Variants in CNTN4 observed in about 807,000 individuals in gnomAD.
CNTN4 encodes the protein contactin 4, also known as contactin-4.
CNTN4 carries 77 observed loss-of-function variants against 122.5 expected under a neutral mutation model. That is an observed-to-expected ratio of 0.63 (90% CI 0.52 to 0.76). CNTN4 has a LOEUF of 0.76. Among genes scored for constraint, CNTN4 ranks in the 30% least tolerant of loss-of-function variants. The probability of loss-of-function intolerance (pLI) is 0.00; values close to 1 mark genes in which losing one functional copy is unlikely to be tolerated. For missense variants in CNTN4, 1,256 were observed against 1,259.1 expected (o/e 1.00, Z 0.04); for synonymous variants, 512 against 447.0 (o/e 1.15, Z -1.83).
chr3:2,814,822 G>A (rs2150180987), intron 6 of CNTN4, among the ~76,000 whole-genome samples: 1 of 152,318 alleles, frequency 6.6e-6, no homozygotes, highest in Middle Eastern at 3.4e-3. Flanking sequence ...CTTCAGCTGT[G>A]TCACCTATAA....
At chr3:2,343,448 C>T (rs960816174) in intron 3 of CNTN4, among the ~76,000 whole-genome samples, 9 of 152,146 alleles carry the variant, frequency 5.9e-5, no homozygotes, top group African/African-American at 1.4e-4. Context: ...TTTGTAACTT[C>T]ACTTCAGTCT....
Position 2,925,679 on chromosome 3 carries a change from A to C in CNTN4, c.1258A>C (p.Lys420Gln). 6.2e-7 allele frequency: 1 copy of C among 1,614,104 alleles called. No individual in the cohort carries two copies. Among genetic ancestry groups the C allele is most frequent in the Non-Finnish European group, 8.5e-7 (1 of 1,179,954 alleles). The change falls in exon 13 of 25, where the codon AAA (lysine) becomes CAA (glutamine). Residue 420 changes from lysine to glutamine, a missense_variant. Lys to Gln is a moderately conservative substitution (Grantham distance 53). Coordinates refer to ENST00000418658, the MANE Select transcript of CNTN4 (RefSeq NM_175607.3). ...RTLLKRVTLV[K>Q]VGGEVVIECK... ...ACTCTTGAAAAGAGTAACTCTTGTC[A>C]AAGTGGGAGGTGAAGTTGTCATTGA...
At chr3:2,675,201 A>C (rs529054334) in intron 4 of CNTN4, among the ~76,000 whole-genome samples, 2 of 152,014 alleles carry the variant, frequency 1.3e-5, no homozygotes, top group African/African-American at 4.8e-5. Context: ...TCTTCCCTAC[A>C]TGATCTGGCC....
At position 2,900,741 on chromosome 3, in the gene CNTN4, G is replaced by A; in HGVS notation, c.997G>A (p.Val333Ile). 6.2e-7 allele frequency: 1 copy of A among 1,613,934 alleles called. No homozygotes were observed. Among genetic ancestry groups the A allele is most frequent in the Non-Finnish European group, 8.5e-7 (1 of 1,179,816 alleles). ...NDIHVAMEENVFWECKANGRP... is the reference protein window; with the variant it reads ...NDIHVAMEENIFWECKANGRP... ...TATTCACGTGGCCATGGAAGAAAAT[G>A]TCTTTTGGGAATGTAAAGCAAATGG... is the stretch of plus-strand genomic sequence containing the variant. The change falls in exon 11 of 25, where the codon GTC becomes ATC. Residue 333 changes from valine to isoleucine, a missense_variant. Physicochemically the swap from Val to Ile is conservative, Grantham distance 29. Coordinates refer to ENST00000418658, the MANE Select transcript of CNTN4 (RefSeq NM_175607.3).
chr3:2,239,212 A>G (rs899964180), intron 2 of CNTN4: 9 of 152,126 alleles, frequency 5.9e-5, no homozygotes, highest in Admixed American at 5.2e-4. Flanking sequence ...TGTGTTAATA[A>G]TGTGATTTGT....
At chr3:2,317,221 C>G (rs2043134665) in intron 2 of CNTN4, among the ~76,000 whole-genome samples, 1 of 152,150 alleles carries the variant, frequency 6.6e-6, no homozygotes, top group African/African-American at 2.4e-5. Context: ...GATGGATTAT[C>G]ATAAAGAAGA....
chr3:2,515,942 T>A (rs2077028091), intron 3 of CNTN4, among the ~76,000 whole-genome samples: 1 of 152,138 alleles, frequency 6.6e-6, no homozygotes, highest in Non-Finnish European at 1.5e-5. Context: ...AAATATTTTT[T>A]AACATCAAGT....
At chr3:2,244,511 A>C (rs1002422864) in intron 2 of CNTN4, among the ~76,000 whole-genome samples, 2 of 152,128 alleles carry the variant, frequency 1.3e-5, no homozygotes, top group Non-Finnish European at 2.9e-5. Flanking sequence ...AAAAAAAGGA[A>C]TATGAACTAT....
intron 4 of CNTN4, among the ~76,000 whole-genome samples, chr3:2,671,919 G>T (rs2084540713): frequency 9.6e-6 from 1 of 104,168 alleles, no homozygotes; most frequent in Non-Finnish European, 1.9e-5. Context: ...AGCAAATATT[G>T]CTGAACAGCA....
At chr3:2,631,546 A>T (rs1367843019) in intron 4 of CNTN4, among the ~76,000 whole-genome samples, 1 of 152,076 alleles carries the variant, frequency 6.6e-6, no homozygotes, top group East Asian at 1.9e-4. Context: ...CTGGTTCTAT[A>T]CCGGTTTTCA....
At chr3:3,035,475 G>C (rs1013634644) in intron 17 of CNTN4, among the ~76,000 whole-genome samples, 2 of 152,108 alleles carry the variant, frequency 1.3e-5, no homozygotes, top group African/African-American at 4.8e-5. Flanking sequence ...CCTGACTATA[G>C]TCACTTAATA....
intron 4 of CNTN4, among the ~76,000 whole-genome samples, chr3:2,732,022 T>C (rs1162964046): frequency 6.6e-6 from 1 of 152,170 alleles, no homozygotes; most frequent in Middle Eastern, 3.2e-3. Context: ...TGAGTCAGTT[T>C]TATAACTTTC....
chr3:2,768,742 C>G (rs965910910), intron 6 of CNTN4, among the ~76,000 whole-genome samples: 1 of 152,194 alleles, frequency 6.6e-6, no homozygotes, highest in African/African-American at 2.4e-5. Context: ...AAAAAAATAA[C>G]TAATAGTTAA....
At chr3:2,236,963 C>T (rs1429627846) in intron 2 of CNTN4, among the ~76,000 whole-genome samples, 1 of 152,140 alleles carries the variant, frequency 6.6e-6, no homozygotes, top group Admixed American at 6.5e-5. Context: ...AGAACTGAAA[C>T]TTCTTCAGTG....
rs2094343152 is a variant in CNTN4 at position 2,915,418 on chromosome 3, T to A, written c.1208-10211T>A. On this transcript the variant is annotated intron_variant, in intron 12 of 24. Coordinates refer to ENST00000418658, the MANE Select transcript of CNTN4 (RefSeq NM_175607.3). ...CACTCAACAAAGTAGAGAAGCAAAC[T>A]ACCTCAACCTAATGAAAGCCTTATA... 2.0e-5 allele frequency among the ~76,000 whole-genome samples: 3 copies of A among 152,346 alleles called. No homozygotes were observed. In the South Asian group the frequency reaches 6.2e-4, roughly 32 times the overall value.
intron 1 of CNTN4, 60 bp downstream of exon 1, chr3:2,099,038 A>ACGCGGT (rs1438123483): frequency 6.6e-6 from 1 of 152,180 alleles, no homozygotes; most frequent in Non-Finnish European, 1.5e-5. Flanking sequence ...TGCCCCGGGG[A>ACGCGGT]CGCGGTCGCG....
intron 2 of CNTN4, among the ~76,000 whole-genome samples, chr3:2,254,759 T>G (rs1352700629): frequency 6.6e-6 from 1 of 152,196 alleles, no homozygotes; most frequent in Non-Finnish European, 1.5e-5. Context: ...TAAATTTCTT[T>G]AAATTCCTTG....
chr3:3,032,888 A>G (rs1204228912), intron 16 of CNTN4, among the ~76,000 whole-genome samples: 1 of 152,182 alleles, frequency 6.6e-6, no homozygotes, highest in African/African-American at 2.4e-5. Flanking sequence ...AAGTTGGTAA[A>G]CATTCTGTAA....
At chr3:2,469,005 T>C (rs200082458) in intron 3 of CNTN4, among the ~76,000 whole-genome samples, 16 of 152,312 alleles carry the variant, frequency 1.1e-4, no homozygotes, top group East Asian at 5.8e-4. Flanking sequence ...ATTGCTATAA[T>C]TGGCCTAGTC....
Sources: gnomAD v4.1 joint callset for allele counts (sites outside exome capture counted in the v4.1 genomes callset) on GRCh38, gnomAD v4.1.1 for gene constraint, MANE v1.5 for transcripts, NCBI Gene and HGNC (gene_info 2026-07-23, HGNC 2026-07-21) for gene names.